Variants in MCM6 observed in about 807,000 individuals in gnomAD.
MCM6 encodes the protein DNA replication licensing factor MCM6.
Under a neutral mutation model 94.3 loss-of-function variants are expected in MCM6, and 46 were observed. The ratio of observed to expected loss-of-function variants is 0.49; its 90% CI spans 0.39 to 0.62. The LOEUF is 0.62. Among genes scored for constraint, MCM6 ranks in the 20% least tolerant of loss-of-function variants. The pLI is 0.00. For missense variants in MCM6, 865 were observed against 1,017.9 expected, an observed-to-expected ratio of 0.85 and a Z score of 2.04; for synonymous variants, 335 against 351.9, an observed-to-expected ratio of 0.95 and a Z score of 0.54.
chr2:135,872,576 A>G (rs1680221571), intron 2 of MCM6, 121 bp downstream of exon 2: 1 of 1,032,350 alleles, frequency 9.7e-7, no homozygotes. Flanking sequence ...GCCTCTTCTC[A>G]GTGGGAAATA....
At chr2:135,867,843 C>T (rs1411276564) in intron 4 of MCM6, among the ~76,000 whole-genome samples, 1 of 152,016 alleles carries the variant, frequency 6.6e-6, no homozygotes, top group Non-Finnish European at 1.5e-5. Flanking sequence ...TGGTTTAACA[C>T]GATGAAACCC....
chr2:135,851,588 A>C, intron 12 of MCM6, 25 bp from the exon 13 acceptor site: 1 of 1,562,282 alleles, frequency 6.4e-7, no homozygotes, highest in East Asian at 2.3e-5. Flanking sequence ...CACTCAAGTT[A>C]GAGAAACATT....
intron 6 of MCM6, 74 bp downstream of exon 6, chr2:135,866,047 AGCCATGACTTT>A: frequency 6.9e-7 from 1 of 1,455,540 alleles, no homozygotes; most frequent in South Asian, 1.2e-5. Flanking sequence ...GGCTACAGTG[AGCCATGACTTT>A]GCCATTGCAC....
intron 10 of MCM6, among the ~76,000 whole-genome samples, chr2:135,857,235 T>C (rs545330813): frequency 3.3e-5 from 5 of 152,186 alleles, no homozygotes; most frequent in Non-Finnish European, 5.9e-5. Flanking sequence ...GGGAAATTAA[T>C]AAAAAACCAA....
chr2:135,871,932 C>T (rs1362163958), intron 2 of MCM6, among the ~76,000 whole-genome samples: 2 of 152,130 alleles, frequency 1.3e-5, no homozygotes, highest in African/African-American at 4.8e-5. Flanking sequence ...ATACCTATTA[C>T]TTTTATAAGC....
In MCM6 at chr2:135,857,979, T is replaced by C. The variant is rs199696245; in HGVS notation, c.1388A>G (p.Asp463Gly). The C allele has an allele frequency of 2.5e-6, 4 of 1,613,738 alleles. No homozygotes were observed. Among genetic ancestry groups the C allele is most frequent in the Middle Eastern group, 1.8e-4 (1 of 5,686 alleles). Residue 463 changes from aspartate (D) to glycine (G), a missense_variant, in exon 10 of 17, where the codon GAT (aspartate) becomes GGT (glycine). Transcript: ENST00000264156. ...DNGVCCIDEFDKMDVRDQVAI... is the reference protein window; with the variant it reads ...DNGVCCIDEFGKMDVRDQVAI... Reference sequence around the variant, plus strand: ...AACTTGATCCCGCACGTCCATCTTATCAAATTCATCAATACAACACACACC... The same window carrying C: ...AACTTGATCCCGCACGTCCATCTTACCAAATTCATCAATACAACACACACC...
chr2:135,849,306 T>C (rs1489288210), intron 13 of MCM6, among the ~76,000 whole-genome samples: 2 of 152,200 alleles, frequency 1.3e-5, no homozygotes, highest in Admixed American at 1.3e-4. Context: ...AGATCAAACC[T>C]TTATATCAGC....
chr2:135,865,529 A>G (rs1680078517), intron 6 of MCM6, among the ~76,000 whole-genome samples: 1 of 152,144 alleles, frequency 6.6e-6, no homozygotes, highest in Admixed American at 6.5e-5. Flanking sequence ...CACAGAATCA[A>G]GTTAACTGAA....
chr2:135,870,396 G>C (rs372765759), intron 2 of MCM6, 35 bp from the exon 3 acceptor site: 1 of 1,440,748 alleles, frequency 6.9e-7, no homozygotes, highest in Non-Finnish European at 9.8e-7. Context: ...TACCTTAGAG[G>C]TTTACCAAGG....
Position 135,844,602 on chromosome 2 carries a change from T to C in MCM6, c.2292A>G (p.Glu764=), listed in dbSNP as rs2105571618. 1 of 1,586,080 alleles carries C rather than the reference T, an allele frequency of 6.3e-7. No homozygotes were observed. The highest frequency in any genetic ancestry group is 1.2e-5 in the South Asian group (1 of 84,344). Residue 764 remains glutamate, a synonymous_variant, in exon 16 of 17, where the codon GAA becomes GAG. Coordinates refer to ENST00000264156, the MANE Select transcript of MCM6 (RefSeq NM_005915.6). ...TGATTCTTTTTTTATTTATAAGTTC[T>C]TCTTCAGAGTCTATCTCTGATTCGA... ...KEIESEIDSE[E]ELINKKRIIE... is the part of the protein sequence containing the mutation.
At chr2:135,855,274 C>T (rs1330699449) in intron 11 of MCM6, among the ~76,000 whole-genome samples, 2 of 152,202 alleles carry the variant, frequency 1.3e-5, no homozygotes, top group Non-Finnish European at 2.9e-5. Flanking sequence ...TTTAATGAAT[C>T]ATGAACAAAC....
chr2:135,866,104 A>G (rs1680089581), intron 6 of MCM6, 28 bp downstream of exon 6: 1 of 1,611,914 alleles, frequency 6.2e-7, no homozygotes, highest in Non-Finnish European at 8.5e-7. Flanking sequence ...TGTTTCAAAA[A>G]CAAACAAAAA....
At chr2:135,870,572 C>G (rs2105592079) in intron 2 of MCM6, among the ~76,000 whole-genome samples, 1 of 152,336 alleles carries the variant, frequency 6.6e-6, no homozygotes, top group South Asian at 2.1e-4. Flanking sequence ...TATAAAATGT[C>G]ATACCATACC....
chr2:135,852,129 G>C (rs1266101668), intron 12 of MCM6, among the ~76,000 whole-genome samples: 1 of 152,140 alleles, frequency 6.6e-6, no homozygotes, highest in Non-Finnish European at 1.5e-5. Flanking sequence ...AGTTTTAAAT[G>C]ATTAAATTTC....
chr2:135,861,868 G>A (rs1337675771), intron 8 of MCM6, among the ~76,000 whole-genome samples: 1 of 152,158 alleles, frequency 6.6e-6, no homozygotes, highest in Non-Finnish European at 1.5e-5. Flanking sequence ...CGCCCGCCTT[G>A]ATTTCCCAAA....
At chr2:135,859,233 A>G in intron 9 of MCM6, 68 bp downstream of exon 9, 1 of 1,252,184 alleles carries the variant, frequency 8.0e-7, no homozygotes, top group Non-Finnish European at 1.1e-6. Context: ...ATGGTAACTT[A>G]TAGGCCTTTA....
At chr2:135,854,275 G>A (rs1394754395) in intron 11 of MCM6, among the ~76,000 whole-genome samples, 1 of 151,996 alleles carries the variant, frequency 6.6e-6, no homozygotes, top group African/African-American at 2.4e-5. Context: ...GCTCACGCCT[G>A]TAACCTCAGC....
At chr2:135,844,246 G>A (rs1679631407) in intron 16 of MCM6, among the ~76,000 whole-genome samples, 1 of 152,114 alleles carries the variant, frequency 6.6e-6, no homozygotes. Flanking sequence ...TAGAAAGTAG[G>A]TGACAGCAGT....
chr2:135,851,716 T>C (rs1411693209), intron 12 of MCM6, 153 bp from the exon 13 acceptor site: 2 of 510,188 alleles, frequency 3.9e-6, no homozygotes. Context: ...ACTATTGTAA[T>C]GTCTTTCAAA....
Sources: gnomAD v4.1 joint callset for allele counts (sites outside exome capture counted in the v4.1 genomes callset) on GRCh38, gnomAD v4.1.1 for gene constraint, MANE v1.5 for transcripts, NCBI Gene and HGNC (gene_info 2026-07-23, HGNC 2026-07-21) for gene names.